The following LINGO2 variants were observed in gnomAD, a reference collection of about 807,000 sequenced individuals.
The protein encoded by LINGO2 is leucine-rich repeat and immunoglobulin-like domain-containing nogo receptor-interacting protein 2.
In LINGO2, 14 loss-of-function variants were observed where a neutral mutation model predicts 30.6. The observed-to-expected ratio is 0.46, with a 90% CI of 0.30 to 0.72. LINGO2 has a LOEUF of 0.72. LINGO2 is among the 30% of genes least tolerant of loss of function. The pLI, the probability that LINGO2 is intolerant of heterozygous loss-of-function variation, is 0.07. For synonymous variants in LINGO2, 317 were observed against 288.5 expected, an observed-to-expected ratio of 1.10 and a Z score of -1.00; for missense variants, 729 against 751.7, an observed-to-expected ratio of 0.97 and a Z score of 0.35.
chr9:28,182,344 C>T (rs867564634), intron 4 of LINGO2, among the ~76,000 whole-genome samples: 8 of 152,164 alleles, frequency 5.3e-5, no homozygotes, highest in Non-Finnish European at 1.0e-4. Flanking sequence ...AATGTAAAAC[C>T]CAAAACCATA....
the LINGO2 span, among the ~76,000 whole-genome samples, chr9:28,810,407 C>G: frequency 6.6e-6 from 1 of 151,906 alleles, no homozygotes; most frequent in Non-Finnish European, 1.5e-5. Context: ...AAAATAAAAA[C>G]GAAGTTATAA....
At chr9:29,164,169 C>A in the LINGO2 span, among the ~76,000 whole-genome samples, 12 of 151,962 alleles carry the variant, frequency 7.9e-5, no homozygotes, top group African/African-American at 2.9e-4. Context: ...AATATTCAGT[C>A]ATAATGTGTC....
At chr9:28,477,642 A>G (rs1443238105) in intron 1 of LINGO2, among the ~76,000 whole-genome samples, 1 of 152,114 alleles carries the variant, frequency 6.6e-6, no homozygotes, top group African/African-American at 2.4e-5. Context: ...ATACCCATAT[A>G]ATTCACTTCA....
the LINGO2 span, among the ~76,000 whole-genome samples, chr9:28,808,995 T>C: frequency 1.3e-5 from 2 of 152,170 alleles, no homozygotes; most frequent in Admixed American, 6.5e-5. Flanking sequence ...TTTTATGCAC[T>C]TATGTATTTT....
At chr9:28,170,390 G>GC (rs1171255058) in intron 4 of LINGO2, among the ~76,000 whole-genome samples, 1 of 152,160 alleles carries the variant, frequency 6.6e-6, no homozygotes, top group Non-Finnish European at 1.5e-5. Context: ...GCTATCCACT[G>GC]AGGCTATTTC....
intron 3 of LINGO2, among the ~76,000 whole-genome samples, chr9:28,348,384 G>A (rs1360192348): frequency 2.0e-5 from 3 of 152,166 alleles, no homozygotes; most frequent in Admixed American, 6.5e-5. Context: ...AGAAAGGGGT[G>A]ACGGACTGCA....
chr9:28,255,227 C>T (rs370050146), intron 4 of LINGO2, among the ~76,000 whole-genome samples: 46 of 151,766 alleles, frequency 3.0e-4, no homozygotes, highest in African/African-American at 1.0e-3. Context: ...TTGGTCTTAA[C>T]ATTATTCCTA....
At chr9:28,024,935 G>A (rs1293085530) in intron 4 of LINGO2, among the ~76,000 whole-genome samples, 12 of 152,100 alleles carry the variant, frequency 7.9e-5, no homozygotes, top group Non-Finnish European at 1.6e-4. Context: ...AATGATTCTG[G>A]CACTGCACCA....
At chr9:27,996,916 T>G (rs1204612549) in intron 5 of LINGO2, among the ~76,000 whole-genome samples, 3 of 152,162 alleles carry the variant, frequency 2.0e-5, no homozygotes, top group Admixed American at 2.0e-4. Context: ...TTAAAACACT[T>G]AAAGAGCCCA....
At chr9:28,926,386 C>T in the LINGO2 span, among the ~76,000 whole-genome samples, 1 of 152,122 alleles carries the variant, frequency 6.6e-6, no homozygotes, top group Admixed American at 6.6e-5. Flanking sequence ...AGTTTTATCA[C>T]ATTGCTTTTT....
intron 3 of LINGO2, among the ~76,000 whole-genome samples, chr9:28,312,196 T>A (rs998912098): frequency 6.8e-6 from 1 of 148,146 alleles, no homozygotes; most frequent in Non-Finnish European, 1.5e-5. Flanking sequence ...CTGGTCAATC[T>A]TTTTACTTTG....
chr9:28,768,838 G>C, the LINGO2 span, among the ~76,000 whole-genome samples: 1 of 152,002 alleles, frequency 6.6e-6, no homozygotes, highest in Non-Finnish European at 1.5e-5. Flanking sequence ...CAGTATGACA[G>C]AATTGGAACA....
At chr9:29,177,666 T>C in the LINGO2 span, among the ~76,000 whole-genome samples, 1 of 152,178 alleles carries the variant, frequency 6.6e-6, no homozygotes, top group African/African-American at 2.4e-5. Context: ...TTTCCACTAA[T>C]CATGATGTTG....
chr9:28,363,444 G>A (rs182083445), intron 3 of LINGO2, among the ~76,000 whole-genome samples: 9 of 152,262 alleles, frequency 5.9e-5, no homozygotes, highest in Admixed American at 5.9e-4. Flanking sequence ...GCCAATCCAG[G>A]AAATATCTCT....
At chr9:28,504,031 C>G (rs1399671855) in intron 1 of LINGO2, among the ~76,000 whole-genome samples, 1 of 151,842 alleles carries the variant, frequency 6.6e-6, no homozygotes, top group Non-Finnish European at 1.5e-5. Flanking sequence ...TAAAACCCCA[C>G]ACAGCAGAAA....
chr9:28,749,686 A>G, the LINGO2 span, among the ~76,000 whole-genome samples: 533 of 152,202 alleles, frequency 3.5e-3, 9 homozygotes, highest in East Asian at 0.054. Flanking sequence ...GTCCAAGGCC[A>G]TCAAATATAC....
chr9:28,888,158 C>A, the LINGO2 span, among the ~76,000 whole-genome samples: 1 of 152,042 alleles, frequency 6.6e-6, no homozygotes, highest in Non-Finnish European at 1.5e-5. Flanking sequence ...CTGCTACTCA[C>A]TAATGTAGGA....
chr9:28,844,394 A>T, the LINGO2 span, among the ~76,000 whole-genome samples: 993 of 151,916 alleles, frequency 6.5e-3, 28 homozygotes, highest in African/African-American at 0.023. Context: ...GAAAAAGAAG[A>T]AAAGGACAGA....
At chr9:29,092,734 AGTTTTC>A in the LINGO2 span, among the ~76,000 whole-genome samples, 1 of 137,198 alleles carries the variant, frequency 7.3e-6, no homozygotes, top group African/African-American at 2.7e-5. Flanking sequence ...GTGATAGGTA[AGTTTTC>A]TGTGGAGCTG....
Sources: gnomAD v4.1 joint callset for allele counts (sites outside exome capture counted in the v4.1 genomes callset) on GRCh38, gnomAD v4.1.1 for gene constraint, MANE v1.5 for transcripts, NCBI Gene and HGNC (gene_info 2026-07-23, HGNC 2026-07-21) for gene names.